Variants in MEF2C observed in about 807,000 individuals in gnomAD.
MEF2C encodes myocyte enhancer factor 2C.
MEF2C carries 6 observed loss-of-function variants against 50.5 expected under a neutral mutation model. That is an observed-to-expected ratio of 0.12 (90% confidence interval 0.07 to 0.23). MEF2C has a LOEUF of 0.23. MEF2C is among the 10% of genes least tolerant of loss of function. The pLI is 1.00. For synonymous variants in MEF2C, 183 were observed against 228.0 expected, an observed-to-expected ratio of 0.80 and a Z score of 1.78; for missense variants, 276 against 605.0, an observed-to-expected ratio of 0.46 and a Z score of 5.70.
In MEF2C at chr5:88,761,114, C is replaced by A. The variant is rs369779113; in HGVS notation, c.402+71G>T. On this transcript the variant is annotated intron_variant, in intron 4 of 10. Coordinates refer to ENST00000504921, the MANE Select transcript of MEF2C (RefSeq NM_002397.5). Reference sequence around the variant, plus strand: ...GGCTTTCACAGCCTTTGTTTTCTTTCTTGTTCAATGCCTGCCAGGTTCAGA... The same window carrying A: ...GGCTTTCACAGCCTTTGTTTTCTTTATTGTTCAATGCCTGCCAGGTTCAGA... 3.1e-6 allele frequency: 5 copies of A among 1,613,884 alleles called. No individual in the cohort carries two copies. The South Asian group carries it at 5.5e-5, about 18-fold the overall frequency.
Position 88,733,293 on chromosome 5 carries a change from GT to G in MEF2C, c.638-1393del, listed in dbSNP as rs1358846496. ...TGGTAAGGGGCACTGAGAGGAACCTGTTTAGAAGGGGACCCGTGAAAAGAGA... is the reference window on the plus strand; with the variant it reads ...TGGTAAGGGGCACTGAGAGGAACCTGTTAGAAGGGGACCCGTGAAAAGAGA... On this transcript the variant is annotated intron_variant, in intron 6 of 10. Transcript: ENST00000504921. 5 of 985,210 alleles carry G rather than the reference GT, an allele frequency of 5.1e-6. No individual in the cohort carries two copies. In the African/African-American group the frequency reaches 8.7e-5, roughly 17 times the overall value. 61.0% of individuals were successfully genotyped at this position (985,210 alleles called of 1,614,324 possible).
intron 3 of MEF2C, among the ~76,000 whole-genome samples, chr5:88,793,304 T>C (rs2152980795): frequency 6.6e-6 from 1 of 151,928 alleles, no homozygotes; most frequent in East Asian, 1.9e-4. Context: ...TGTACGTATG[T>C]ACGATGTGGC....
intron 2 of MEF2C, among the ~76,000 whole-genome samples, chr5:88,814,104 C>T (rs1333258812): frequency 6.6e-6 from 1 of 152,102 alleles, no homozygotes; most frequent in Non-Finnish European, 1.5e-5. Flanking sequence ...GGGCTGGAGT[C>T]AAGAGTCTGC....
intron 1 of MEF2C, among the ~76,000 whole-genome samples, chr5:88,855,137 T>G (rs1260324278): frequency 6.6e-6 from 1 of 152,230 alleles, no homozygotes; most frequent in Non-Finnish European, 1.5e-5. Flanking sequence ...GCTTTGGAAC[T>G]TTTCCTCAGC....
At chr5:88,886,736 T>C (rs1439705357), upstream of MEF2C, among the ~76,000 whole-genome samples, 3 of 152,226 alleles carry the variant, frequency 2.0e-5, no homozygotes, top group Non-Finnish European at 4.4e-5. Context: ...AATGTAAATA[T>C]AGAGTCACTT....
At chr5:88,820,648 A>G (rs1206484520) in intron 2 of MEF2C, among the ~76,000 whole-genome samples, 1 of 152,002 alleles carries the variant, frequency 6.6e-6, no homozygotes, top group African/African-American at 2.4e-5. Flanking sequence ...ACAGTGAGCC[A>G]TTGCATGAGG....
chr5:88,778,200 G>A (rs1010907057), intron 3 of MEF2C, among the ~76,000 whole-genome samples: 8 of 152,052 alleles, frequency 5.3e-5, no homozygotes, highest in African/African-American at 1.9e-4. Flanking sequence ...GAGCCACCAC[G>A]CCCGGCTGCT....
intron 1 of MEF2C, among the ~76,000 whole-genome samples, chr5:88,837,742 T>C (rs766696670): frequency 6.6e-6 from 1 of 152,250 alleles, no homozygotes; most frequent in Non-Finnish European, 1.5e-5. Context: ...AATTGTTTTC[T>C]TCCATATTTT....
chr5:88,750,081 G>C, intron 5 of MEF2C: 1 of 661,460 alleles, frequency 1.5e-6, no homozygotes, highest in African/African-American at 2.0e-5. Context: ...TCAGCCAAAA[G>C]AATAATAGTG....
intron 10 of MEF2C, 118 bp from the exon 11 acceptor site, chr5:88,723,043 G>A: frequency 2.2e-6 from 2 of 923,824 alleles, no homozygotes; most frequent in Non-Finnish European, 3.2e-6. Context: ...TGCCCAGAGT[G>A]AAGAAAACGT....
At chr5:88,740,730 G>A (rs1453611153) in intron 6 of MEF2C, 3 of 983,456 alleles carry the variant, frequency 3.1e-6, no homozygotes, top group Non-Finnish European at 3.6e-6. Context: ...ATTTACTGAA[G>A]GGATAGTTTT....
At chr5:88,858,985 A>G (rs759001807) in intron 1 of MEF2C, among the ~76,000 whole-genome samples, 1 of 152,132 alleles carries the variant, frequency 6.6e-6, no homozygotes, top group Non-Finnish European at 1.5e-5. Context: ...ACATCTCGAC[A>G]TTGTTTTCAT....
chr5:88,896,961 A>G (rs1835178789), intron 1 of MEF2C, among the ~76,000 whole-genome samples: 1 of 151,918 alleles, frequency 6.6e-6, no homozygotes, highest in Non-Finnish European at 1.5e-5. Context: ...ACACACACAC[A>G]CACACGCACA....
chr5:88,740,427 T>G, intron 6 of MEF2C: 3 of 985,342 alleles, frequency 3.0e-6, no homozygotes, highest in Non-Finnish European at 3.6e-6. Context: ...TTGGCGAACA[T>G]TTTCTCATTT....
At chr5:88,836,292 C>T (rs1815068456) in intron 1 of MEF2C, among the ~76,000 whole-genome samples, 1 of 151,698 alleles carries the variant, frequency 6.6e-6, no homozygotes. Context: ...CTTCTCAGTG[C>T]TAACCAATAT....
At position 88,742,393 on chromosome 5, in the gene MEF2C, C is replaced by T. The variant is rs956548050; in HGVS notation, c.637+6677G>A. The T allele has an allele frequency of 3.0e-5, 30 of 984,178 alleles. No individual in the cohort carries two copies. The East Asian group carries it at 5.7e-4, about 19-fold the overall frequency. The allele number at this position is 984,178 out of a possible 1,614,324, so 61.0% of individuals were successfully genotyped here. ...CTAGTATTTCAGGGGGAAATATTAA[C>T]GGCTTGAATTTAATATTAAAAACAA... On this transcript the variant is annotated intron_variant, in intron 6 of 10. Coordinates refer to ENST00000504921, the MANE Select transcript of MEF2C (RefSeq NM_002397.5).
intron 1 of MEF2C, among the ~76,000 whole-genome samples, chr5:88,873,588 G>T (rs958222293): frequency 3.3e-5 from 5 of 151,682 alleles, no homozygotes; most frequent in Non-Finnish European, 7.4e-5. Context: ...AATCAAGCAA[G>T]ATCAAACAGT....
At position 88,734,565 on chromosome 5, in the gene MEF2C, G is replaced by GTT. The variant is rs66505441; in HGVS notation, c.638-2666_638-2665dup. The GTT allele has an allele frequency of 8.9e-3, 4,781 of 538,326 alleles. 96 individuals carry two copies. The highest frequency in any genetic ancestry group is 0.024 in the African/African-American group (513 of 21,316). 33.3% of individuals were successfully genotyped at this position (538,326 alleles called of 1,614,324 possible). A position where few individuals can be genotyped will look rare whatever the true frequency, so the allele number is the denominator to read the frequency against. On this transcript the variant is annotated intron_variant, in intron 6 of 10. Transcript: ENST00000504921. ...TTCACGGAGGCCTTGAGAAAAGTTT[G>GTT]TTTTTTTTTTTTTTTTTTTTTTTTT...
intron 6 of MEF2C, chr5:88,748,123 T>C (rs1440939338): frequency 2.0e-6 from 2 of 983,128 alleles, no homozygotes; most frequent in African/African-American, 1.7e-5. Context: ...AACTCTACCC[T>C]CAAATAGATA....
Sources: gnomAD v4.1 joint callset for allele counts (sites outside exome capture counted in the v4.1 genomes callset) on GRCh38, gnomAD v4.1.1 for gene constraint, MANE v1.5 for transcripts, NCBI Gene and HGNC (gene_info 2026-07-23, HGNC 2026-07-21) for gene names.